The following FAM210A variants were observed in gnomAD, a reference collection of about 807,000 sequenced individuals.
The protein encoded by FAM210A is family with sequence similarity 210 member A.
FAM210A carries 13 observed loss-of-function variants against 25.3 expected under a neutral mutation model. The observed-to-expected ratio is 0.51, with a 90% CI of 0.33 to 0.82. FAM210A has a LOEUF of 0.82. FAM210A is among the 40% of genes least tolerant of loss of function. The pLI, the probability that FAM210A is intolerant of heterozygous loss-of-function variation, is 0.02. For synonymous variants in FAM210A, 125 were observed against 118.7 expected (o/e 1.05, Z -0.35); for missense variants, 319 against 323.2 (o/e 0.99, Z 0.10).
chr18:13,684,152 T>C (rs1039860488), intron 1 of FAM210A, among the ~76,000 whole-genome samples: 1 of 152,174 alleles, frequency 6.6e-6, no homozygotes, highest in Non-Finnish European at 1.5e-5. Flanking sequence ...ATCTCAGTAC[T>C]TTGGGATGCC....
Position 13,666,255 on chromosome 18 carries a change from C to T in FAM210A, c.*225G>A. 1.9e-6 allele frequency: 1 copy of T among 517,146 alleles called. No individual in the cohort carries two copies. The highest frequency in any genetic ancestry group is 3.5e-6 in the Non-Finnish European group (1 of 287,890). 32.0% of individuals were successfully genotyped at this position (517,146 alleles called of 1,614,324 possible). Reference sequence around the variant, plus strand: ...CTAAGACATTAACCACTGCTTAATACTGCTACTGATGGCAAATTCTTAAAC... The same window carrying T: ...CTAAGACATTAACCACTGCTTAATATTGCTACTGATGGCAAATTCTTAAAC... On this transcript the variant is annotated 3_prime_UTR_variant, in exon 4 of 4. Transcript: ENST00000651643.
chr18:13,704,580 GTCTTT>G (rs2043764093), intron 1 of FAM210A, among the ~76,000 whole-genome samples: 1 of 152,098 alleles, frequency 6.6e-6, no homozygotes, highest in Non-Finnish European at 1.5e-5. Flanking sequence ...CTTCAAAATT[GTCTTT>G]TCTAACTTCT....
At chr18:13,685,903 G>A (rs1051744659) in intron 1 of FAM210A, among the ~76,000 whole-genome samples, 2 of 152,126 alleles carry the variant, frequency 1.3e-5, no homozygotes, top group Non-Finnish European at 2.9e-5. Context: ...AACTCAATAA[G>A]CTAAGTTACC....
At chr18:13,719,937 A>G (rs759619016) in intron 1 of FAM210A, among the ~76,000 whole-genome samples, 10 of 152,202 alleles carry the variant, frequency 6.6e-5, no homozygotes, top group Non-Finnish European at 1.3e-4. Context: ...ATCAAAACAC[A>G]AAGTTTGGCC....
chr18:13,672,122 A>G (rs2043448405), intron 2 of FAM210A, 149 bp from the exon 3 acceptor site: 1 of 563,530 alleles, frequency 1.8e-6, no homozygotes, highest in African/African-American at 1.9e-5. Flanking sequence ...CTTCACTCTA[A>G]GAGAACATCT....
intron 2 of FAM210A, among the ~76,000 whole-genome samples, chr18:13,674,761 G>GGCT (rs2043476245): frequency 3.6e-5 from 1 of 28,036 alleles, no homozygotes; most frequent in African/African-American, 1.3e-4. Context: ...CCTGAGCCCC[G>GGCT]ACTTTATTTC....
rs1488686477 is a variant in FAM210A at position 13,664,521 on chromosome 18, TA to T, written c.*1958del. The T allele has an allele frequency of 2.0e-5, 3 of 152,172 alleles. No individual in the cohort carries two copies. The highest frequency in any genetic ancestry group is 4.8e-5 in the African/African-American group (2 of 41,432). 9.4% of individuals were successfully genotyped at this position (152,172 alleles called of 1,614,324 possible). On this transcript the variant is annotated 3_prime_UTR_variant, in exon 4 of 4. Transcript: ENST00000651643. ...AAATGTGAATTATTTGATAAATACT[TA>T]AAAAACATGTTAATCATGTTTAGAT... is the stretch of plus-strand genomic sequence containing the variant.
At chr18:13,672,432 C>G (rs1014142864) in intron 2 of FAM210A, among the ~76,000 whole-genome samples, 5 of 152,146 alleles carry the variant, frequency 3.3e-5, no homozygotes, top group African/African-American at 1.2e-4. Context: ...TGTTTTGAGA[C>G]AGAATCTTGT....
intron 1 of FAM210A, among the ~76,000 whole-genome samples, chr18:13,695,510 T>C (rs2043684524): frequency 6.6e-6 from 1 of 152,204 alleles, no homozygotes; most frequent in Non-Finnish European, 1.5e-5. Flanking sequence ...GTGGCACATA[T>C]ACACCATGGA....
At chr18:13,689,455 T>A (rs904739139) in intron 1 of FAM210A, among the ~76,000 whole-genome samples, 2 of 152,218 alleles carry the variant, frequency 1.3e-5, no homozygotes, top group Non-Finnish European at 2.9e-5. Context: ...CACCTATTCA[T>A]GATTAAAAAC....
chr18:13,677,179 A>C (rs990842296), intron 2 of FAM210A, among the ~76,000 whole-genome samples: 1 of 150,458 alleles, frequency 6.6e-6, no homozygotes, highest in Non-Finnish European at 1.5e-5. Context: ...AGTTCACGCC[A>C]TTCTCCTGCC....
chr18:13,666,510 T>G lies in FAM210A; in HGVS notation c.789A>C (p.Glu263Asp). Residue 263 changes from glutamate to aspartate, a missense_variant, in exon 4 of 4, where the codon GAA becomes GAC. Transcript: ENST00000651643. ...RLTEKLQETK[E>D]KVSFKKKVE is the part of the protein sequence containing the mutation. ...CCACTTTTTTCTTAAAGGAAACTTT[T>G]TCTTTGGTTTCTTGTAACTTTTCAG... 1 of 1,613,924 alleles carries G rather than the reference T, an allele frequency of 6.2e-7. No individual in the cohort carries two copies. Among genetic ancestry groups the G allele is most frequent in the Non-Finnish European group, 8.5e-7 (1 of 1,179,958 alleles).
intron 3 of FAM210A, among the ~76,000 whole-genome samples, chr18:13,669,244 T>C (rs2043424026): frequency 6.6e-6 from 1 of 152,174 alleles, no homozygotes; most frequent in Non-Finnish European, 1.5e-5. Context: ...GATCCCGCCA[T>C]GGTCTGTTAC....
At chr18:13,718,403 A>T (rs2149071251) in intron 1 of FAM210A, among the ~76,000 whole-genome samples, 1 of 152,284 alleles carries the variant, frequency 6.6e-6, no homozygotes, top group South Asian at 2.1e-4. Context: ...AGAACTACAG[A>T]ATGTTAAGAG....
chr18:13,723,905 C>T (rs2043915006), intron 1 of FAM210A, among the ~76,000 whole-genome samples: 1 of 152,152 alleles, frequency 6.6e-6, no homozygotes, highest in Admixed American at 6.5e-5. Context: ...GTCCTTCATC[C>T]AAAACTATTT....
intron 1 of FAM210A, among the ~76,000 whole-genome samples, chr18:13,690,145 C>T (rs2043630905): frequency 6.6e-6 from 1 of 152,250 alleles, no homozygotes; most frequent in African/African-American, 2.4e-5. Flanking sequence ...CCCACGGAGC[C>T]TCGCTCACTG....
intron 1 of FAM210A, among the ~76,000 whole-genome samples, chr18:13,725,571 A>G (rs1352515227): frequency 6.6e-6 from 1 of 152,202 alleles, no homozygotes; most frequent in Non-Finnish European, 1.5e-5. Flanking sequence ...GTAATTCAAG[A>G]CGGATTGTAA....
chr18:13,707,195 C>T (rs577058042), intron 1 of FAM210A, among the ~76,000 whole-genome samples: 6 of 152,186 alleles, frequency 3.9e-5, no homozygotes, highest in African/African-American at 1.4e-4. Context: ...GAGAGTGGCA[C>T]TAAGGCCCTA....
At chr18:13,718,461 G>C (rs2043876886) in intron 1 of FAM210A, among the ~76,000 whole-genome samples, 1 of 151,858 alleles carries the variant, frequency 6.6e-6, no homozygotes, top group African/African-American at 2.4e-5. Context: ...TATGTTTACA[G>C]ATAAAGAATG....
Sources: allele counts gnomAD v4.1 joint callset (sites outside exome capture counted in the v4.1 genomes callset), GRCh38; gene constraint gnomAD v4.1.1; transcripts MANE v1.5; gene names NCBI Gene and HGNC (gene_info 2026-07-23, HGNC 2026-07-21).